Variants in CDYL2 observed in about 807,000 individuals in gnomAD.
The protein encoded by CDYL2 is chromodomain Y-like protein 2.
In CDYL2, 23 loss-of-function variants were observed where a neutral mutation model predicts 49.4. The ratio of observed to expected loss-of-function variants is 0.47; its 90% CI spans 0.34 to 0.66. The LOEUF (loss-of-function observed/expected upper bound fraction) is 0.66. Among genes scored for constraint, CDYL2 ranks in the 30% least tolerant of loss-of-function variants. The probability of loss-of-function intolerance (pLI) is 0.01; values close to 1 mark genes in which losing one functional copy is unlikely to be tolerated. For synonymous variants in CDYL2, 360 were observed against 268.8 expected (o/e 1.34, Z -3.32); for missense variants, 678 against 656.4 (o/e 1.03, Z -0.36).
At chr16:80,628,846 G>A (rs1043377087) in intron 3 of CDYL2, among the ~76,000 whole-genome samples, 5 of 152,154 alleles carry the variant, frequency 3.3e-5, no homozygotes, top group Middle Eastern at 3.2e-3. Context: ...ATGGAGGAGG[G>A]GGGGGATATC....
intron 2 of CDYL2, among the ~76,000 whole-genome samples, chr16:80,646,602 A>T (rs1261192394): frequency 6.6e-6 from 1 of 152,182 alleles, no homozygotes; most frequent in African/African-American, 2.4e-5. Context: ...CATCTTGGCT[A>T]ACATGGTGAA....
chr16:80,696,889 C>T (rs1489423885), intron 1 of CDYL2, among the ~76,000 whole-genome samples: 2 of 152,138 alleles, frequency 1.3e-5, no homozygotes, highest in African/African-American at 4.8e-5. Context: ...CCCAGCTCCT[C>T]TGGAGGTGGA....
rs117907117 is a variant in CDYL2, at chr16:80,692,527, G to A, written c.25-7398C>T. 2.0e-4 allele frequency among the ~76,000 whole-genome samples: 30 copies of A among 152,268 alleles called. No homozygotes were observed. The East Asian group carries it at 4.2e-3, about 22-fold the overall frequency. ...AAACCTAAATTTTTAACGTAAAACT[G>A]GAGAAGGTGTAGTAAGAATACATAT... is the stretch of plus-strand genomic sequence containing the variant. On this transcript the variant is annotated intron_variant, in intron 1 of 6. Transcript: ENST00000570137.
chr16:80,670,527 G>C (rs537651396), intron 2 of CDYL2, among the ~76,000 whole-genome samples: 1 of 152,256 alleles, frequency 6.6e-6, no homozygotes, highest in Non-Finnish European at 1.5e-5. Context: ...TCTCGGGTGT[G>C]TCTTCATTAG....
At chr16:80,658,380 G>C (rs1320239378) in intron 2 of CDYL2, among the ~76,000 whole-genome samples, 1 of 152,176 alleles carries the variant, frequency 6.6e-6, no homozygotes, top group East Asian at 1.9e-4. Flanking sequence ...CAAAAGGGGA[G>C]AGGGGAAGAA....
At chr16:80,691,539 G>A (rs191644734) in intron 1 of CDYL2, among the ~76,000 whole-genome samples, 2 of 152,298 alleles carry the variant, frequency 1.3e-5, no homozygotes, top group African/African-American at 4.8e-5. Flanking sequence ...AGACCAACAG[G>A]AATTTCCATA....
intron 1 of CDYL2, among the ~76,000 whole-genome samples, chr16:80,717,870 A>G (rs577042056): frequency 1.3e-5 from 2 of 152,368 alleles, no homozygotes; most frequent in Admixed American, 1.3e-4. Context: ...TTCCTAGAAC[A>G]GTTATCCCAC....
At chr16:80,802,667 G>A (rs1465585226) in intron 1 of CDYL2, among the ~76,000 whole-genome samples, 1 of 152,130 alleles carries the variant, frequency 6.6e-6, no homozygotes, top group Non-Finnish European at 1.5e-5. Context: ...GAACCTGCTG[G>A]CCGGCAGTCC....
At chr16:80,688,733 T>G (rs971831513) in intron 1 of CDYL2, among the ~76,000 whole-genome samples, 2 of 152,288 alleles carry the variant, frequency 1.3e-5, no homozygotes, top group South Asian at 4.1e-4. Context: ...TTTCCTCTTC[T>G]CAGGAGCACC....
chr16:80,664,417 G>A lies in CDYL2; in HGVS notation c.616+20121C>T, dbSNP rs955552209. Among the ~76,000 whole-genome samples the A allele has an allele frequency of 2.0e-5, 3 of 152,108 alleles. No individual in the cohort carries two copies. The South Asian group carries it at 6.2e-4, about 32-fold the overall frequency. On this transcript the variant is annotated intron_variant, in intron 2 of 6. Coordinates refer to ENST00000570137, the MANE Select transcript of CDYL2 (RefSeq NM_152342.4). ...GGGAACAGCCCATCCCCAGGGCTCC[G>A]GTGTCCTGGGCCTTCCTGAGTTCGC...
At chr16:80,668,337 AGACAGACAGAT>A (rs1409307534) in intron 2 of CDYL2, among the ~76,000 whole-genome samples, 5 of 152,252 alleles carry the variant, frequency 3.3e-5, no homozygotes, top group Admixed American at 1.3e-4. Flanking sequence ...ATAAATGAAT[AGACAGACAGAT>A]GACAGACAGA....
At position 80,612,486 on chromosome 16, in the gene CDYL2, G is replaced by A; in HGVS notation, c.1218+140C>T. ...CCGGGCTACTCCATCTGGCACTGAA[G>A]GTGTGAAGGACATGAGGCAGCCAAG... On this transcript the variant is annotated intron_variant, in intron 5 of 6. Transcript: ENST00000570137. The surrounding 1 kb of genome is among the most constrained non-coding windows in gnomAD (Gnocchi z 5.0). The A allele has an allele frequency of 1.4e-6, 1 of 739,294 alleles. No individual in the cohort carries two copies. Among genetic ancestry groups the A allele is most frequent in the Non-Finnish European group, 2.2e-6 (1 of 451,828 alleles). The allele number at this position is 739,294 out of a possible 1,614,324, so 45.8% of individuals were successfully genotyped here. A position where few individuals can be genotyped will look rare whatever the true frequency, so the allele number is the denominator to read the frequency against.
intron 1 of CDYL2, among the ~76,000 whole-genome samples, chr16:80,753,664 A>C (rs1906213440): frequency 6.6e-6 from 1 of 152,220 alleles, no homozygotes; most frequent in Non-Finnish European, 1.5e-5. Flanking sequence ...CACAATATAC[A>C]AAACAATAAA....
At chr16:80,757,444 A>G (rs1384027954) in intron 1 of CDYL2, among the ~76,000 whole-genome samples, 1 of 151,084 alleles carries the variant, frequency 6.6e-6, no homozygotes, top group African/African-American at 2.4e-5. Context: ...GGAGGCTGAG[A>G]GGGGAGGCTT....
At chr16:80,720,851 G>A (rs1028495000) in intron 1 of CDYL2, among the ~76,000 whole-genome samples, 12 of 152,168 alleles carry the variant, frequency 7.9e-5, no homozygotes, top group African/African-American at 1.4e-4. Context: ...AGAGCCGTCC[G>A]CTTCAGAAAT....
At chr16:80,735,200 A>G (rs1475775670) in intron 1 of CDYL2, 1 of 152,250 alleles carries the variant, frequency 6.6e-6, no homozygotes, top group East Asian at 1.9e-4. Flanking sequence ...ATGAACCACA[A>G]AAGTGAGAAA....
intron 2 of CDYL2, among the ~76,000 whole-genome samples, chr16:80,673,044 G>A (rs1199189725): frequency 6.6e-6 from 1 of 151,964 alleles, no homozygotes; most frequent in African/African-American, 2.4e-5. Context: ...GAGGCCGGGC[G>A]TGGTGGCTCA....
chr16:80,788,761 A>G (rs1907515640), intron 1 of CDYL2, among the ~76,000 whole-genome samples: 1 of 152,230 alleles, frequency 6.6e-6, no homozygotes, highest in Admixed American at 6.5e-5. Context: ...ATCTCATAGA[A>G]AGGATTACAT....
intron 1 of CDYL2, among the ~76,000 whole-genome samples, chr16:80,733,169 A>G (rs1317100358): frequency 6.6e-6 from 1 of 152,204 alleles, no homozygotes; most frequent in African/African-American, 2.4e-5. Context: ...TGGGAGAAGT[A>G]TAGAGTTAGG....
Sources: allele counts gnomAD v4.1 joint callset (sites outside exome capture counted in the v4.1 genomes callset), GRCh38; gene constraint gnomAD v4.1.1; non-coding constraint Gnocchi (gnomAD v3.1); transcripts MANE v1.5; gene names NCBI Gene and HGNC (gene_info 2026-07-23, HGNC 2026-07-21).